The following FHIT variants were observed in gnomAD, a reference collection of about 807,000 sequenced individuals.
FHIT encodes fragile histidine triad diadenosine triphosphatase, also known as bis(5'-adenosyl)-triphosphatase.
In FHIT, 19 loss-of-function variants were observed where a neutral mutation model predicts 17.9. The ratio of observed to expected loss-of-function variants is 1.06; its 90% CI spans 0.74 to 1.56. FHIT has a LOEUF of 1.56. Ranked by LOEUF, FHIT falls within the 40% of genes most tolerant of loss-of-function variation. FHIT has a pLI of 0.00. For synonymous variants in FHIT, 81 were observed against 69.7 expected, an observed-to-expected ratio of 1.16 and a Z score of -0.81; for missense variants, 248 against 189.2, an observed-to-expected ratio of 1.31 and a Z score of -1.82.
intron 5 of FHIT, among the ~76,000 whole-genome samples, chr3:60,044,366 A>C (rs547537458): frequency 6.6e-6 from 1 of 152,178 alleles, no homozygotes; most frequent in African/African-American, 2.4e-5. Context: ...TCTAAGTAGA[A>C]CAGAGCACTC....
intron 5 of FHIT, among the ~76,000 whole-genome samples, chr3:60,457,369 G>T (rs2032170347): frequency 6.6e-6 from 1 of 152,084 alleles, no homozygotes; most frequent in South Asian, 2.1e-4. Flanking sequence ...GGGAAAACCG[G>T]CTAGCCATGT....
chr3:60,337,595 C>T (rs920618409), intron 5 of FHIT, among the ~76,000 whole-genome samples: 2 of 152,228 alleles, frequency 1.3e-5, no homozygotes, highest in African/African-American at 2.4e-5. Flanking sequence ...GGCAAAAATA[C>T]CACAGACCAC....
chr3:60,368,034 T>C (rs193157145), intron 5 of FHIT, among the ~76,000 whole-genome samples: 1 of 152,290 alleles, frequency 6.6e-6, no homozygotes, highest in African/African-American at 2.4e-5. Context: ...CAACATTTTA[T>C]CTATGCTTTT....
chr3:60,497,277 T>C (rs577962843), intron 5 of FHIT, among the ~76,000 whole-genome samples: 2 of 152,080 alleles, frequency 1.3e-5, no homozygotes, highest in East Asian at 3.9e-4. Context: ...GAGAATAAGA[T>C]GACAGGTGGG....
At chr3:59,757,954 A>G (rs76982429) in intron 8 of FHIT, among the ~76,000 whole-genome samples, 1 of 152,324 alleles carries the variant, frequency 6.6e-6, no homozygotes, top group East Asian at 1.9e-4. Context: ...TGATACAAAG[A>G]TAAATAAGCC....
At chr3:60,959,811 T>TC in intron 3 of FHIT, among the ~76,000 whole-genome samples, 1 of 151,460 alleles carries the variant, frequency 6.6e-6, no homozygotes, top group East Asian at 1.9e-4. Context: ...CTTTTTTTTT[T>TC]TTTTTTTAAT....
At position 60,568,641 on chromosome 3, in the gene FHIT, A is replaced by G. The variant is rs989628970; in HGVS notation, c.-17-31662T>C. Among the ~76,000 whole-genome samples the G allele has an allele frequency of 7.9e-5, 12 of 152,188 alleles. No individual in the cohort carries two copies. The East Asian group carries it at 1.9e-3, about 25-fold the overall frequency. ...AAAAAAAAGAAAAGAAAACTTCTAG[A>G]CTTCCCAACACTTTGAGAAACAGTT... On this transcript the variant is annotated intron_variant, in intron 4 of 9. Coordinates refer to ENST00000492590, the MANE Select transcript of FHIT (RefSeq NM_002012.4).
At chr3:60,790,647 A>T (rs1700743980) in intron 4 of FHIT, among the ~76,000 whole-genome samples, 1 of 148,220 alleles carries the variant, frequency 6.7e-6, no homozygotes, top group Non-Finnish European at 1.5e-5. Flanking sequence ...GTACCTTAAA[A>T]CATATTGAAC....
chr3:60,438,152 C>T (rs983527190), intron 5 of FHIT, among the ~76,000 whole-genome samples: 1 of 152,080 alleles, frequency 6.6e-6, no homozygotes, highest in Non-Finnish European at 1.5e-5. Flanking sequence ...TAGTCCAGCT[C>T]ACTCAAGCAA....
chr3:60,527,593 G>A (rs1338136561), intron 5 of FHIT, among the ~76,000 whole-genome samples: 3 of 152,080 alleles, frequency 2.0e-5, no homozygotes, highest in Admixed American at 2.0e-4. Context: ...GGAGAGTAAG[G>A]CTTAAACCTT....
intron 5 of FHIT, among the ~76,000 whole-genome samples, chr3:60,042,957 G>T (rs1041029955): frequency 6.6e-6 from 1 of 152,138 alleles, no homozygotes; most frequent in Admixed American, 6.5e-5. Flanking sequence ...AGTGTCTACT[G>T]TGGCAAGGCA....
chr3:61,094,861 C>T (rs1467032698), intron 2 of FHIT, among the ~76,000 whole-genome samples: 1 of 152,170 alleles, frequency 6.6e-6, no homozygotes. Flanking sequence ...AGCGAGACAG[C>T]ATGAGATTCC....
At chr3:60,964,848 C>G (rs1709641167) in intron 3 of FHIT, among the ~76,000 whole-genome samples, 1 of 152,152 alleles carries the variant, frequency 6.6e-6, no homozygotes, top group Non-Finnish European at 1.5e-5. Context: ...ACCTTTCTCT[C>G]TGGCTGCTCT....
At chr3:61,067,073 C>T (rs1422483443) in intron 2 of FHIT, among the ~76,000 whole-genome samples, 4 of 152,172 alleles carry the variant, frequency 2.6e-5, no homozygotes, top group African/African-American at 9.7e-5. Flanking sequence ...AGTAGATGTA[C>T]AGCACAGCAG....
chr3:59,869,484 C>CTTTTTTTTTTT (rs59589849), intron 8 of FHIT, among the ~76,000 whole-genome samples: 8,161 of 104,642 alleles, frequency 0.078, 1,232 homozygotes, highest in Non-Finnish European at 0.095. Context: ...AAAGAACATC[C>CTTTTTTTTTTT]TTTTTTTTTT....
intron 5 of FHIT, among the ~76,000 whole-genome samples, chr3:60,416,529 G>T (rs1465349867): frequency 6.6e-6 from 1 of 152,158 alleles, no homozygotes; most frequent in African/African-American, 2.4e-5. Context: ...ACATGAATTA[G>T]CTTGGCTGTG....
chr3:59,879,905 C>A (rs903829050), intron 8 of FHIT, among the ~76,000 whole-genome samples: 1 of 144,944 alleles, frequency 6.9e-6, no homozygotes. Context: ...ATGGTTTAAC[C>A]AATCATTTCC....
At chr3:60,549,589 A>C (rs952447875) in intron 4 of FHIT, among the ~76,000 whole-genome samples, 1 of 152,212 alleles carries the variant, frequency 6.6e-6, no homozygotes, top group African/African-American at 2.4e-5. Context: ...GTTGTATAGA[A>C]AAAAGTCCCA....
At chr3:60,688,372 C>T (rs1220562574) in intron 4 of FHIT, among the ~76,000 whole-genome samples, 1 of 151,784 alleles carries the variant, frequency 6.6e-6, no homozygotes, top group Admixed American at 6.6e-5. Context: ...CATATACTAT[C>T]CCCTTGCTGA....
Sources: allele counts gnomAD v4.1 joint callset (sites outside exome capture counted in the v4.1 genomes callset), GRCh38; gene constraint gnomAD v4.1.1; transcripts MANE v1.5; gene names NCBI Gene and HGNC (gene_info 2026-07-23, HGNC 2026-07-21).